The following AMPD3 variants were observed in gnomAD, a reference collection of about 807,000 sequenced individuals.
AMPD3 encodes the protein adenosine monophosphate deaminase 3, also known as AMP deaminase 3.
A neutral mutation model predicts 82.3 loss-of-function variants in AMPD3; 57 were observed. The observed-to-expected ratio is 0.69, with a 90% confidence interval of 0.56 to 0.86. AMPD3 has a LOEUF of 0.86. Among genes scored for constraint, AMPD3 ranks in the 40% least tolerant of loss-of-function variants. AMPD3 has a pLI of 0.00. For missense variants in AMPD3, 870 were observed against 1,003.8 expected, an observed-to-expected ratio of 0.87 and a Z score of 1.80; for synonymous variants, 381 against 394.7, an observed-to-expected ratio of 0.97 and a Z score of 0.41.
chr11:10,505,792 CG>C lies in AMPD3; in HGVS notation c.2214del (p.Met739TrpfsTer19). On this transcript the variant is annotated frameshift_variant, in exon 15 of 15. Coordinates refer to ENST00000396553, the MANE Select transcript of AMPD3 (RefSeq NM_001025389.2). LOFTEE classifies it high-confidence loss of function. ...DIRKTNVAQI[R>X]MAFRYETLCN... The stretch of plus-strand genomic sequence containing the variant: ...TCGAAAGACAAATGTGGCTCAGATC[CG>C]GATGGCATTCCGATATGAGACCTTA... The C allele has an allele frequency of 6.2e-7, 1 of 1,614,128 alleles. No individual in the cohort carries two copies. The highest frequency in any genetic ancestry group is 8.5e-7 in the Non-Finnish European group (1 of 1,180,018).
At chr11:10,468,231 T>C (rs1848478875) in intron 2 of AMPD3, among the ~76,000 whole-genome samples, 1 of 151,970 alleles carries the variant, frequency 6.6e-6, no homozygotes. Context: ...GCAAATTGGA[T>C]GAAGAGTCAA....
intron 2 of AMPD3, among the ~76,000 whole-genome samples, chr11:10,465,108 A>G (rs1848381524): frequency 6.6e-6 from 1 of 152,274 alleles, no homozygotes; most frequent in South Asian, 2.1e-4. Flanking sequence ...TAAATGAGCG[A>G]ATACACAAAA....
Position 10,456,675 on chromosome 11 carries a change from T to C in AMPD3, c.-6+1227T>C. The C allele has an allele frequency of 7.4e-6, 7 of 940,316 alleles. No individual in the cohort carries two copies. Among genetic ancestry groups the C allele is most frequent in the Non-Finnish European group, 7.6e-6 (6 of 788,920 alleles). The allele number at this position is 940,316 out of a possible 1,614,324, so 58.2% of individuals were successfully genotyped here. On this transcript the variant is annotated intron_variant, in intron 1 of 14. Transcript: ENST00000396553. The surrounding 1 kb of genome is among the most constrained non-coding windows in gnomAD (Gnocchi z 4.3). Reference sequence around the variant, plus strand: ...AATTCACAGCTAAGCCTCCCAAGCCTGCTGGCTTCAGCTGACAAAGGGTTG... The same window carrying C: ...AATTCACAGCTAAGCCTCCCAAGCCCGCTGGCTTCAGCTGACAAAGGGTTG...
chr11:10,502,335 C>T (rs2133943732), intron 12 of AMPD3: 1 of 985,426 alleles, frequency 1.0e-6, no homozygotes, highest in East Asian at 1.1e-4. Context: ...TGGCTGTTTG[C>T]AGTCAAAGCA....
chr11:10,506,394 T>C lies in AMPD3; in HGVS notation c.*510T>C. ...CTTCCTTCTTGACAAATTGTGTTTT[T>C]AGTGAATTTCTTAAACCGTTTTATT... On this transcript the variant is annotated 3_prime_UTR_variant, in exon 15 of 15. Transcript: ENST00000396553. This position sits in a 1 kb window ranked among gnomAD's most constrained non-coding sequence, Gnocchi z 4.1. The C allele has an allele frequency of 5.6e-6, 1 of 177,744 alleles. No individual in the cohort carries two copies. The highest frequency in any genetic ancestry group is 1.2e-5 in the Non-Finnish European group (1 of 82,592). 11.0% of individuals were successfully genotyped at this position (177,744 alleles called of 1,614,324 possible). A position where few individuals can be genotyped will look rare whatever the true frequency, so the allele number is the denominator to read the frequency against.
At chr11:10,455,983 G>A (rs2133807852) in intron 1 of AMPD3, 1 of 985,400 alleles carries the variant, frequency 1.0e-6, no homozygotes, top group Middle Eastern at 5.2e-4. Flanking sequence ...GCGTTAGAGG[G>A]AGGCTGTGGC....
rs977177217 is a variant in AMPD3, at chr11:10,489,932, T to C, written c.939+2568T>C. 4.6e-5 allele frequency among the ~76,000 whole-genome samples: 7 copies of C among 152,188 alleles called. 1 individual carries two copies. Among genetic ancestry groups the C allele is most frequent in the Non-Finnish European group, 8.8e-5 (6 of 68,030 alleles). The stretch of plus-strand genomic sequence containing the variant: ...TCAGCCTCAGGTGATCTGCCTGCCT[T>C]GGCCTCCCAAAGTGCTGAGATTACA... On this transcript the variant is annotated intron_variant, in intron 6 of 14. Coordinates refer to ENST00000396553, the MANE Select transcript of AMPD3 (RefSeq NM_001025389.2).
intron 2 of AMPD3, among the ~76,000 whole-genome samples, chr11:10,473,124 G>C (rs1848641059): frequency 6.6e-6 from 1 of 152,164 alleles, no homozygotes; most frequent in Non-Finnish European, 1.5e-5. Flanking sequence ...ACAAAAATTA[G>C]CTGGGCATGG....
intron 2 of AMPD3, among the ~76,000 whole-genome samples, chr11:10,466,790 A>T (rs970970095): frequency 6.6e-6 from 1 of 152,166 alleles, no homozygotes; most frequent in Non-Finnish European, 1.5e-5. Context: ...CATACAGGAG[A>T]GCTCTGGCTG....
At chr11:10,497,038 A>T in intron 10 of AMPD3, 100 bp downstream of exon 10, 1 of 1,460,738 alleles carries the variant, frequency 6.8e-7, no homozygotes, top group South Asian at 1.1e-5. Flanking sequence ...TCACGATGGT[A>T]TCTTAGGTCC....
intron 7 of AMPD3, 79 bp from the exon 8 acceptor site, chr11:10,494,820 G>A (rs759872419): frequency 7.0e-6 from 11 of 1,575,832 alleles, no homozygotes; most frequent in South Asian, 3.3e-5. Flanking sequence ...ACAGAAGGCC[G>A]CCTCGTAAAG....
intron 2 of AMPD3, chr11:10,476,897 T>G (rs1848756079): frequency 1.0e-6 from 1 of 980,612 alleles, no homozygotes; most frequent in Non-Finnish European, 1.2e-6. Context: ...CAGGTTGAGT[T>G]TCCCGAAGCA....
chr11:10,476,974 T>C (rs750471900), intron 2 of AMPD3: 114 of 985,342 alleles, frequency 1.2e-4, no homozygotes, highest in Non-Finnish European at 3.4e-5. Flanking sequence ...GAGCCACCTC[T>C]GTCTTGCAGG....
chr11:10,473,360 C>T, intron 2 of AMPD3: 21 of 982,044 alleles, frequency 2.1e-5, no homozygotes, highest in Non-Finnish European at 2.5e-5. Context: ...TTTTCATCTC[C>T]AGGTCTTTAG....
At chr11:10,493,153 C>T (rs568407826) in intron 6 of AMPD3, among the ~76,000 whole-genome samples, 196 bp from the exon 7 acceptor site, 3 of 152,172 alleles carry the variant, frequency 2.0e-5, no homozygotes, top group South Asian at 2.1e-4. Context: ...AGGTGGAATG[C>T]GCAGCAAGGC....
At chr11:10,462,737 G>A (rs995983605) in intron 2 of AMPD3, among the ~76,000 whole-genome samples, 3 of 152,136 alleles carry the variant, frequency 2.0e-5, no homozygotes, top group South Asian at 4.1e-4. Context: ...GAGAAAGGCC[G>A]GGAAAGAGAG....
At chr11:10,450,720 G>C, upstream of AMPD3, 1 of 1,105,792 alleles carries the variant, frequency 9.0e-7, no homozygotes, top group Non-Finnish European at 1.1e-6. Flanking sequence ...CGGCCCGGGC[G>C]CTTCAGGTAG....
In AMPD3 at chr11:10,506,748, A is replaced by G. The variant is rs1009558743; in HGVS notation, c.*864A>G. On this transcript the variant is annotated 3_prime_UTR_variant, in exon 15 of 15. Coordinates refer to ENST00000396553, the MANE Select transcript of AMPD3 (RefSeq NM_001025389.2). The surrounding 1 kb of genome is among the most constrained non-coding windows in gnomAD (Gnocchi z 4.1). ...TCTAATATGCTACAACTGTAGGCCA[A>G]TTATCACTTTACCAATTAAGAGTTA... 1 of 152,280 alleles carries G rather than the reference A, an allele frequency of 6.6e-6. No individual in the cohort carries two copies. Among genetic ancestry groups the G allele is most frequent in the African/African-American group, 2.4e-5 (1 of 41,466 alleles). 9.4% of individuals were successfully genotyped at this position (152,280 alleles called of 1,614,324 possible).
At chr11:10,470,418 C>A (rs1365940024) in intron 2 of AMPD3, among the ~76,000 whole-genome samples, 1 of 152,094 alleles carries the variant, frequency 6.6e-6, no homozygotes, top group African/African-American at 2.4e-5. Context: ...ACAAGTATGC[C>A]CTCTCTCACC....
Sources: allele counts gnomAD v4.1 joint callset (sites outside exome capture counted in the v4.1 genomes callset), GRCh38; gene constraint gnomAD v4.1.1; non-coding constraint Gnocchi (gnomAD v3.1); transcripts MANE v1.5; gene names NCBI Gene and HGNC (gene_info 2026-07-23, HGNC 2026-07-21).